LHFPL3: variants seen among roughly 807,000 people sequenced by gnomAD.
LHFPL3 encodes LHFPL tetraspan subfamily member 3.
LHFPL3 carries 5 observed loss-of-function variants against 19.3 expected under a neutral mutation model. The observed-to-expected ratio is 0.26, with a 90% CI of 0.14 to 0.54. The LOEUF is 0.54. Among genes scored for constraint, LHFPL3 ranks in the 20% least tolerant of loss-of-function variants. The probability of loss-of-function intolerance (pLI) is 0.94; values close to 1 mark genes in which losing one functional copy is unlikely to be tolerated. For missense variants in LHFPL3, 249 were observed against 307.4 expected (o/e 0.81, Z 1.42); for synonymous variants, 133 against 126.2 (o/e 1.05, Z -0.36).
intron 1 of LHFPL3, among the ~76,000 whole-genome samples, chr7:104,530,339 T>C (rs956609519): frequency 1.3e-5 from 2 of 152,218 alleles, no homozygotes; most frequent in Admixed American, 6.5e-5. Flanking sequence ...CATGTGGCTC[T>C]TTATGGCCAC....
At chr7:104,329,306 G>C (rs1049142767) in intron 1 of LHFPL3, 82 bp downstream of exon 1, 2 of 1,480,146 alleles carry the variant, frequency 1.4e-6, no homozygotes, top group East Asian at 2.3e-5. Flanking sequence ...AGGGACGGGG[G>C]CTGTGCGCGC....
intron 1 of LHFPL3, among the ~76,000 whole-genome samples, chr7:104,667,291 C>T (rs1165549158): frequency 6.6e-6 from 1 of 151,064 alleles, no homozygotes; most frequent in Non-Finnish European, 1.5e-5. Flanking sequence ...AATTGGCTTA[C>T]ATGCAACCTG....
chr7:104,498,992 T>C lies in LHFPL3; in HGVS notation c.445+169768T>C, dbSNP rs75500264. ...TTTTTTTTTCCATGAGGACAGTGGG[T>C]CTAATGTTTGGGCATGGGTATTTCC... On this transcript the variant is annotated intron_variant, in intron 1 of 2. Transcript: ENST00000424859. Among the ~76,000 whole-genome samples, 806 of 152,256 alleles carry C rather than the reference T, an allele frequency of 5.3e-3. 11 individuals carry two copies. The highest frequency in any genetic ancestry group is 0.019 in the African/African-American group (777 of 41,532).
At chr7:104,478,570 G>A (rs2115647259) in intron 1 of LHFPL3, among the ~76,000 whole-genome samples, 1 of 152,282 alleles carries the variant, frequency 6.6e-6, no homozygotes, top group African/African-American at 2.4e-5. Context: ...GTGGCCAGTG[G>A]CTTATCCTTT....
chr7:104,899,793 G>A (rs766482561), intron 2 of LHFPL3, among the ~76,000 whole-genome samples: 31 of 152,018 alleles, frequency 2.0e-4, no homozygotes, highest in Admixed American at 1.6e-3. Context: ...GTGCAGTGGC[G>A]TGATCTCAAC....
chr7:104,784,020 A>C (rs1789867030), intron 2 of LHFPL3, among the ~76,000 whole-genome samples: 1 of 152,208 alleles, frequency 6.6e-6, no homozygotes, highest in Non-Finnish European at 1.5e-5. Flanking sequence ...TGAGGATGAG[A>C]GGCTCAATGT....
chr7:104,847,659 T>C (rs531396523), intron 2 of LHFPL3, among the ~76,000 whole-genome samples: 2 of 152,328 alleles, frequency 1.3e-5, no homozygotes, highest in East Asian at 3.9e-4. Flanking sequence ...TACAGCTACA[T>C]GCAACCATGC....
At chr7:104,786,396 C>G (rs1789914036) in intron 2 of LHFPL3, 1 of 152,174 alleles carries the variant, frequency 6.6e-6, no homozygotes, top group Non-Finnish European at 1.5e-5. Context: ...TACCTCATAG[C>G]ACTGTCAAAC....
chr7:104,526,631 A>G (rs952609198), intron 1 of LHFPL3, among the ~76,000 whole-genome samples: 1 of 152,220 alleles, frequency 6.6e-6, no homozygotes. Context: ...ATGAACAATC[A>G]TATTGACTTA....
chr7:104,745,079 C>T (rs1794014900), intron 2 of LHFPL3, among the ~76,000 whole-genome samples: 1 of 152,190 alleles, frequency 6.6e-6, no homozygotes, highest in Non-Finnish European at 1.5e-5. Context: ...CTTAGTATTT[C>T]CAAAACTGAG....
chr7:104,468,318 A>G (rs567250253), intron 1 of LHFPL3, among the ~76,000 whole-genome samples: 1 of 152,348 alleles, frequency 6.6e-6, no homozygotes, highest in East Asian at 1.9e-4. Context: ...TGCTGCATCC[A>G]GAATCCTAGC....
At chr7:104,360,209 G>A (rs59156995) in intron 1 of LHFPL3, among the ~76,000 whole-genome samples, 12,082 of 152,262 alleles carry the variant, frequency 0.079, 573 homozygotes, top group East Asian at 0.13. Context: ...GCAATGGCAA[G>A]TAATTCACTT....
At chr7:104,680,953 C>G (rs572745434) in intron 1 of LHFPL3, among the ~76,000 whole-genome samples, 2 of 152,080 alleles carry the variant, frequency 1.3e-5, no homozygotes, top group Admixed American at 6.6e-5. Flanking sequence ...ACTACAGTAT[C>G]CATCAAACCT....
intron 1 of LHFPL3, among the ~76,000 whole-genome samples, chr7:104,700,891 T>C (rs1385794409): frequency 9.9e-5 from 15 of 152,214 alleles, no homozygotes; most frequent in Non-Finnish European, 2.2e-4. Flanking sequence ...TCTCCCTAAC[T>C]GTACCAATTT....
intron 1 of LHFPL3, among the ~76,000 whole-genome samples, chr7:104,589,707 C>G (rs1480104971): frequency 6.6e-6 from 1 of 152,090 alleles, no homozygotes; most frequent in African/African-American, 2.4e-5. Context: ...CTCTTTGTAC[C>G]TCTGGTAGAA....
intron 2 of LHFPL3, among the ~76,000 whole-genome samples, chr7:104,830,541 T>G (rs1309147021): frequency 6.6e-6 from 1 of 151,882 alleles, no homozygotes; most frequent in Non-Finnish European, 1.5e-5. Context: ...AGTTTCAGCT[T>G]TCTACATATG....
chr7:104,597,621 A>G (rs1446531266), intron 1 of LHFPL3, among the ~76,000 whole-genome samples: 1 of 152,180 alleles, frequency 6.6e-6, no homozygotes, highest in Non-Finnish European at 1.5e-5. Flanking sequence ...TTATTAATTG[A>G]AGTCTGAAAT....
intron 1 of LHFPL3, among the ~76,000 whole-genome samples, chr7:104,440,173 A>C (rs1036110116): frequency 6.6e-5 from 10 of 151,684 alleles, no homozygotes; most frequent in Non-Finnish European, 1.5e-4. Flanking sequence ...AACTTAAAGT[A>C]TAATAATAAT....
At chr7:104,865,372 G>T (rs186193533) in intron 2 of LHFPL3, among the ~76,000 whole-genome samples, 1 of 152,232 alleles carries the variant, frequency 6.6e-6, no homozygotes, top group Admixed American at 6.5e-5. Flanking sequence ...GTGCAGAGAA[G>T]TCCTTAAAGG....
Sources: gnomAD v4.1 joint callset for allele counts (sites outside exome capture counted in the v4.1 genomes callset) on GRCh38, gnomAD v4.1.1 for gene constraint, MANE v1.5 for transcripts, NCBI Gene and HGNC (gene_info 2026-07-23, HGNC 2026-07-21) for gene names.